The following PCDH10 variants were observed in gnomAD, a reference collection of about 807,000 sequenced individuals.
PCDH10 encodes the protein protocadherin-10.
A neutral mutation model predicts 74.4 loss-of-function variants in PCDH10; 15 were observed. The observed-to-expected ratio is 0.20, with a 90% confidence interval of 0.13 to 0.31. PCDH10 has a LOEUF of 0.31. Ranked by LOEUF, PCDH10 falls within the 10% of genes least tolerant of loss-of-function variation. The probability of loss-of-function intolerance (pLI) is 1.00; values close to 1 mark genes in which losing one functional copy is unlikely to be tolerated. For synonymous variants in PCDH10, 619 were observed against 589.8 expected, an observed-to-expected ratio of 1.05 and a Z score of -0.72; for missense variants, 1,260 against 1,390.2, an observed-to-expected ratio of 0.91 and a Z score of 1.49.
intron 1 of PCDH10, chr4:133,153,173 A>G (rs947760635): frequency 6.2e-5 from 69 of 1,118,920 alleles, no homozygotes; most frequent in Non-Finnish European, 7.4e-5. Flanking sequence ...AGGCATTAAT[A>G]AAGTTGGCTC....
Position 133,151,912 on chromosome 4 carries a change from C to G in PCDH10, c.1772C>G (p.Pro591Arg). The change falls in exon 1 of 5, where the codon CCC (proline) becomes CGC (arginine). Residue 591 changes from proline (P) to arginine (R), a missense_variant. Pro to Arg is a moderately radical substitution (Grantham distance 103, BLOSUM62 -2). Around this residue, in one of 11 missense-constraint regions of PCDH10, gnomAD observed 587 missense variants for 616.9 expected, o/e 0.95. Coordinates refer to ENST00000264360, the MANE Select transcript of PCDH10 (RefSeq NM_032961.3). ...GGGACTCCAGCGCGTGAGGTGCTGC[C>G]CCGCTCGGCGGAGCCGGGTTACCTG... ...RNGTPAREVL[P>R]RSAEPGYLLT... The G allele has an allele frequency of 6.2e-7, 1 of 1,612,482 alleles. No homozygotes were observed. Among genetic ancestry groups the G allele is most frequent in the Non-Finnish European group, 8.5e-7 (1 of 1,179,728 alleles).
chr4:133,159,132 G>T (rs1206666692), intron 3 of PCDH10, among the ~76,000 whole-genome samples: 1 of 151,784 alleles, frequency 6.6e-6, no homozygotes, highest in Non-Finnish European at 1.5e-5. Context: ...ATCATATTTG[G>T]AAAAAAATAA....
intron 4 of PCDH10, among the ~76,000 whole-genome samples, 200 bp from the exon 5 acceptor site, chr4:133,189,941 A>G (rs1727624741): frequency 6.6e-6 from 1 of 152,086 alleles, no homozygotes; most frequent in Non-Finnish European, 1.5e-5. Context: ...AATTTATAAG[A>G]ATATCAAAAT....
At chr4:133,171,342 G>A (rs1184281380) in intron 4 of PCDH10, among the ~76,000 whole-genome samples, 1 of 152,016 alleles carries the variant, frequency 6.6e-6, no homozygotes, top group African/African-American at 2.4e-5. Context: ...ATTTTAAAAT[G>A]TTTTCATCAT....
rs116781506 is a variant in PCDH10, at chr4:133,150,145, T to C, written c.5T>C (p.Ile2Thr). 5 of 1,529,182 alleles carry C rather than the reference T, an allele frequency of 3.3e-6. No homozygotes were observed. The East Asian group carries it at 6.9e-5, about 21-fold the overall frequency. 94.7% of individuals were successfully genotyped at this position (1,529,182 alleles called of 1,614,324 possible). A position where few individuals can be genotyped will look rare whatever the true frequency, so the allele number is the denominator to read the frequency against. The change falls in exon 1 of 5, where the codon ATT becomes ACT. Residue 2 changes from isoleucine to threonine, a missense_variant. Around this residue, in one of 11 missense-constraint regions of PCDH10, gnomAD observed 103 missense variants for 91.5 expected, o/e 1.13. Coordinates refer to ENST00000264360, the MANE Select transcript of PCDH10 (RefSeq NM_032961.3). ...CTACTTCCTTTCCTTTTGGAGATGA[T>C]TGTGCTATTATTGTTTGCCTTGCTC... is the stretch of plus-strand genomic sequence containing the variant. M[I>T]VLLLFALLWM...
chr4:133,153,230 C>T (rs1294383542), intron 1 of PCDH10: 6 of 1,035,796 alleles, frequency 5.8e-6, no homozygotes, highest in East Asian at 9.3e-5. Context: ...TACAAGTAAG[C>T]TATAGATTGT....
intron 2 of PCDH10, among the ~76,000 whole-genome samples, chr4:133,202,869 C>T (rs993139082): frequency 2.0e-5 from 3 of 152,144 alleles, no homozygotes; most frequent in African/African-American, 7.2e-5. Flanking sequence ...CCCAGGTTGT[C>T]AAGAGCTCCA....
intron 3 of PCDH10, among the ~76,000 whole-genome samples, chr4:133,160,976 G>T (rs148403111): frequency 6.6e-6 from 1 of 151,980 alleles, no homozygotes; most frequent in Non-Finnish European, 1.5e-5. Context: ...TGGTTCTGTA[G>T]CCTCTACCTA....
intron 1 of PCDH10, 30 bp from the exon 2 acceptor site, chr4:133,154,277 A>T (rs370202661): frequency 1.3e-6 from 2 of 1,515,066 alleles, no homozygotes. Context: ...TAGCATTCAA[A>T]TGCTCTTGAT....
intron 3 of PCDH10, among the ~76,000 whole-genome samples, chr4:133,155,526 G>A (rs1726848787): frequency 6.6e-6 from 1 of 152,156 alleles, no homozygotes; most frequent in African/African-American, 2.4e-5. Flanking sequence ...GAAAAGTAAT[G>A]GTGATTAAAA....
chr4:133,171,207 A>G (rs537002794), intron 4 of PCDH10, among the ~76,000 whole-genome samples: 2 of 152,212 alleles, frequency 1.3e-5, no homozygotes, highest in Admixed American at 1.3e-4. Flanking sequence ...TGTGTTTGAT[A>G]TTCATCATAT....
chr4:133,180,584 T>G (rs1047483112), intron 4 of PCDH10, among the ~76,000 whole-genome samples: 1 of 152,050 alleles, frequency 6.6e-6, no homozygotes, highest in Non-Finnish European at 1.5e-5. Flanking sequence ...AGTTTAATGA[T>G]AAAGCATATA....
At chr4:133,158,112 A>G (rs1354589322) in intron 3 of PCDH10, among the ~76,000 whole-genome samples, 1 of 152,192 alleles carries the variant, frequency 6.6e-6, no homozygotes, top group Non-Finnish European at 1.5e-5. Flanking sequence ...AACCATCACA[A>G]GAGGAAAAAC....
At position 133,152,603 on chromosome 4, in the gene PCDH10, T is replaced by C; in HGVS notation, c.2463T>C (p.Tyr821=). Residue 821 remains tyrosine (Y), a synonymous_variant, in exon 1 of 5, where the codon TAT becomes TAC. Coordinates refer to ENST00000264360, the MANE Select transcript of PCDH10 (RefSeq NM_032961.3). ...GSHHHNQNYC[Y]QVCLTPESAK... The stretch of plus-strand genomic sequence containing the variant: ...ACCACCACAACCAGAATTACTGCTA[T>C]CAGGTATGCCTGACCCCTGAGTCCG... 1.2e-6 allele frequency: 2 copies of C among 1,614,156 alleles called. No individual in the cohort carries two copies. Among genetic ancestry groups the C allele is most frequent in the Non-Finnish European group, 1.7e-6 (2 of 1,180,036 alleles).
chr4:133,165,377 A>T (rs1393968561), intron 4 of PCDH10, among the ~76,000 whole-genome samples: 1 of 151,288 alleles, frequency 6.6e-6, no homozygotes. Flanking sequence ...TTACACCATG[A>T]CTCTGACTTA....
At chr4:133,205,270 T>A (rs1400162133) in intron 2 of PCDH10, among the ~76,000 whole-genome samples, 1 of 152,202 alleles carries the variant, frequency 6.6e-6, no homozygotes, top group African/African-American at 2.4e-5. Context: ...ACCAAAACTC[T>A]GTGAACACTT....
chr4:133,182,645 G>T (rs533937022), intron 4 of PCDH10, among the ~76,000 whole-genome samples: 2 of 152,008 alleles, frequency 1.3e-5, no homozygotes, highest in Admixed American at 6.6e-5. Context: ...TGCAGAGAAA[G>T]ATATGTTATA....
Position 133,151,582 on chromosome 4 carries a change from A to G in PCDH10, c.1442A>G (p.Tyr481Cys). The stretch of plus-strand genomic sequence containing the variant: ...ACTGAAAACAACGTGCCTGGCGCCT[A>G]CATCTACGCGGTGAGCGCCACCGAC... ...YVTENNVPGA[Y>C]IYAVSATDRD... The change falls in exon 1 of 5, where the codon TAC becomes TGC. Residue 481 changes from tyrosine (Y) to cysteine (C), a missense_variant. Tyr to Cys is a radical substitution (Grantham distance 194). This residue lies in a region of PCDH10 where 587 missense variants were observed against 616.9 expected (regional missense o/e 0.95). Transcript: ENST00000264360. 1 of 1,613,930 alleles carries G rather than the reference A, an allele frequency of 6.2e-7. No individual in the cohort carries two copies. The highest frequency in any genetic ancestry group is 8.5e-7 in the Non-Finnish European group (1 of 1,180,008).
chr4:133,150,609 C>A lies in PCDH10; in HGVS notation c.469C>A (p.Arg157Ser), dbSNP rs746677791. 23 of 1,613,370 alleles carry A rather than the reference C, an allele frequency of 1.4e-5. No individual in the cohort carries two copies. The East Asian group carries it at 4.9e-4, about 34-fold the overall frequency. The stretch of plus-strand genomic sequence containing the variant: ...CCCAGACGTGGGCACCAACTCCTTG[C>A]GCGACTACGAGATCACCCCCAACAG... ...FDPDVGTNSL[R>S]DYEITPNSYF... is the part of the protein sequence containing the mutation. Residue 157 changes from arginine to serine, a missense_variant, in exon 1 of 5, where the codon CGC becomes AGC. Around this residue, in one of 11 missense-constraint regions of PCDH10, gnomAD observed 35 missense variants for 29.1 expected, o/e 1.20. Coordinates refer to ENST00000264360, the MANE Select transcript of PCDH10 (RefSeq NM_032961.3).
Sources: gnomAD v4.1 joint callset for allele counts (sites outside exome capture counted in the v4.1 genomes callset) on GRCh38, gnomAD v4.1.1 for gene constraint, gnomAD v4.1.1 regional missense constraint, MANE v1.5 for transcripts, NCBI Gene and HGNC (gene_info 2026-07-23, HGNC 2026-07-21) for gene names.